Variants in CDC42BPA observed in about 807,000 individuals in gnomAD.
CDC42BPA encodes the protein serine/threonine-protein kinase MRCK alpha.
In CDC42BPA, 80 loss-of-function variants were observed where a neutral mutation model predicts 223.5. That is an observed-to-expected ratio of 0.36 (90% CI 0.30 to 0.43). The LOEUF (loss-of-function observed/expected upper bound fraction) is 0.43. Ranked by LOEUF, CDC42BPA falls within the 20% of genes least tolerant of loss-of-function variation. The pLI is 1.00. For missense variants in CDC42BPA, 1,743 were observed against 2,099.9 expected (o/e 0.83, Z 3.32); for synonymous variants, 694 against 718.6 (o/e 0.97, Z 0.55).
At chr1:227,111,910 G>A (rs1686990368) in intron 14 of CDC42BPA, 1 of 156,302 alleles carries the variant, frequency 6.4e-6, no homozygotes, top group Non-Finnish European at 1.4e-5. Context: ...CTGCTGAGAT[G>A]TTTTAGACTA....
intron 2 of CDC42BPA, among the ~76,000 whole-genome samples, chr1:227,239,741 T>C (rs893548152): frequency 2.0e-5 from 3 of 152,138 alleles, no homozygotes; most frequent in Admixed American, 6.5e-5. Flanking sequence ...CAAACTATTA[T>C]AGTAACAGAA....
chr1:226,998,616 CT>C (rs1208842271), intron 35 of CDC42BPA, among the ~76,000 whole-genome samples: 5 of 152,312 alleles, frequency 3.3e-5, no homozygotes, highest in African/African-American at 1.2e-4. Context: ...AATTGGACCC[CT>C]TCCTTACACC....
intron 1 of CDC42BPA, among the ~76,000 whole-genome samples, chr1:227,294,527 T>C (rs1690269353): frequency 6.6e-6 from 1 of 151,958 alleles, no homozygotes; most frequent in African/African-American, 2.4e-5. Flanking sequence ...GCATGTGTAA[T>C]AACTATTCCC....
intron 23 of CDC42BPA, among the ~76,000 whole-genome samples, chr1:227,044,400 T>G (rs1373319217): frequency 1.3e-5 from 2 of 149,336 alleles, no homozygotes; most frequent in Non-Finnish European, 3.0e-5. Flanking sequence ...TTATTCCCAG[T>G]CACAAAAAAT....
At chr1:227,041,931 G>A (rs568947838) in intron 23 of CDC42BPA, among the ~76,000 whole-genome samples, 135 of 152,224 alleles carry the variant, frequency 8.9e-4, no homozygotes, top group Non-Finnish European at 1.3e-3. Context: ...ACCTTGGAAA[G>A]ATAGATATTA....
At chr1:227,024,403 C>T (rs938306817) in intron 31 of CDC42BPA, among the ~76,000 whole-genome samples, 2 of 152,148 alleles carry the variant, frequency 1.3e-5, no homozygotes, top group Non-Finnish European at 2.9e-5. Context: ...AATAATATGA[C>T]ACTATCTCAT....
intron 21 of CDC42BPA, among the ~76,000 whole-genome samples, chr1:227,063,808 T>G (rs1676428487): frequency 6.6e-6 from 1 of 152,180 alleles, no homozygotes; most frequent in Admixed American, 6.5e-5. Flanking sequence ...CCCCCAAGTA[T>G]CGCTGAAACT....
At chr1:227,168,377 C>G (rs1665429650) in intron 5 of CDC42BPA, among the ~76,000 whole-genome samples, 2 of 151,916 alleles carry the variant, frequency 1.3e-5, no homozygotes, top group Non-Finnish European at 2.9e-5. Context: ...TGTAGTTCCC[C>G]CAAATGTAAC....
chr1:227,305,253 G>A (rs979070732), intron 1 of CDC42BPA, among the ~76,000 whole-genome samples: 1 of 152,072 alleles, frequency 6.6e-6, no homozygotes, highest in Non-Finnish European at 1.5e-5. Flanking sequence ...TTTTTTAAGT[G>A]AAGAAAAAGC....
intron 1 of CDC42BPA, among the ~76,000 whole-genome samples, chr1:227,292,762 T>C (rs1416075466): frequency 6.6e-6 from 1 of 152,182 alleles, no homozygotes; most frequent in Non-Finnish European, 1.5e-5. Context: ...AACTATACAA[T>C]AGCTAGCACA....
chr1:226,995,633 G>T, intron 35 of CDC42BPA, among the ~76,000 whole-genome samples: 2 of 152,260 alleles, frequency 1.3e-5, no homozygotes, highest in South Asian at 4.1e-4. Flanking sequence ...TAAAAGTGAG[G>T]TTTTCTTCAA....
chr1:227,166,223 G>A (rs1665008137), intron 5 of CDC42BPA, among the ~76,000 whole-genome samples: 1 of 152,104 alleles, frequency 6.6e-6, no homozygotes, highest in African/African-American at 2.4e-5. Flanking sequence ...TCTTAAAATG[G>A]TCACTATTTG....
At chr1:227,268,665 TACATATATATATATACAC>T (rs1685458606) in intron 1 of CDC42BPA, among the ~76,000 whole-genome samples, 2 of 145,146 alleles carry the variant, frequency 1.4e-5, no homozygotes, top group African/African-American at 5.2e-5. Context: ...TATATATATA[TACATATATATATATACAC>T]ACACACACTT....
chr1:227,134,302 A>C (rs967180107), intron 10 of CDC42BPA, among the ~76,000 whole-genome samples: 7 of 152,048 alleles, frequency 4.6e-5, no homozygotes, highest in Non-Finnish European at 1.0e-4. Context: ...CTCTCCTCCT[A>C]CTGTATGATT....
intron 6 of CDC42BPA, among the ~76,000 whole-genome samples, chr1:227,159,208 C>T (rs1572043377): frequency 1.3e-5 from 2 of 152,082 alleles, no homozygotes; most frequent in South Asian, 2.1e-4. Context: ...CAAAGTTGGC[C>T]GGGCACGGTG....
intron 9 of CDC42BPA, 75 bp downstream of exon 9, chr1:227,142,870 G>T: frequency 1.1e-6 from 1 of 921,754 alleles, no homozygotes; most frequent in Non-Finnish European, 1.6e-6. Context: ...CACCTGTCTT[G>T]GCCTCCCAAA....
chr1:227,206,927 T>A (rs4653806), intron 3 of CDC42BPA, among the ~76,000 whole-genome samples: 104,379 of 151,250 alleles, frequency 0.69, 36,061 homozygotes, highest in South Asian at 0.74. Context: ...TCTTTTTTAT[T>A]ATTTTATTTT....
At position 227,293,526 on chromosome 1, in the gene CDC42BPA, A is replaced by T. The variant is rs544066159; in HGVS notation, c.178+23479T>A. Among the ~76,000 whole-genome samples, 237 of 152,132 alleles carry T rather than the reference A, an allele frequency of 1.6e-3. 1 individual carries two copies. The highest frequency in any genetic ancestry group is 5.3e-3 in the African/African-American group (222 of 41,502). The stretch of plus-strand genomic sequence containing the variant: ...GCTACTATGGTAAAGTCATTAAAAA[A>T]AAAAAAAAAGATCTATTGCTGGGTG... On this transcript the variant is annotated intron_variant, in intron 1 of 36. Transcript: ENST00000366766.
chr1:227,099,175 C>G (rs1375994762), intron 15 of CDC42BPA, among the ~76,000 whole-genome samples: 1 of 151,970 alleles, frequency 6.6e-6, no homozygotes, highest in Admixed American at 6.6e-5. Flanking sequence ...TAATAAATGA[C>G]TGTGTTACTG....
Sources: gnomAD v4.1 joint callset for allele counts (sites outside exome capture counted in the v4.1 genomes callset) on GRCh38, gnomAD v4.1.1 for gene constraint, MANE v1.5 for transcripts, NCBI Gene and HGNC (gene_info 2026-07-23, HGNC 2026-07-21) for gene names.